The following ZFHX3 variants were observed in gnomAD, a reference collection of about 807,000 sequenced individuals.
ZFHX3 encodes zinc finger homeobox protein 3.
ZFHX3 carries 42 observed loss-of-function variants against 279.1 expected under a neutral mutation model. The observed-to-expected ratio is 0.15, with a 90% CI of 0.12 to 0.19. The LOEUF (loss-of-function observed/expected upper bound fraction) is 0.19, where lower values mean the gene tolerates loss of function less well. Ranked by LOEUF, ZFHX3 falls within the 10% of genes least tolerant of loss-of-function variation. The probability of loss-of-function intolerance (pLI) is 1.00; values close to 1 mark genes in which losing one functional copy is unlikely to be tolerated. For synonymous variants in ZFHX3, 2,293 were observed against 1,957.8 expected, an observed-to-expected ratio of 1.17 and a Z score of -4.52; for missense variants, 4,981 against 4,754.0, an observed-to-expected ratio of 1.05 and a Z score of -1.40.
At chr16:73,667,749 T>C (rs1467348252) in intron 2 of ZFHX3, among the ~76,000 whole-genome samples, 1 of 152,184 alleles carries the variant, frequency 6.6e-6, no homozygotes, top group Non-Finnish European at 1.5e-5. Context: ...CATAATCTCA[T>C]TTTGAGATTA....
At chr16:73,018,807 T>C (rs1964196864) in intron 1 of ZFHX3, among the ~76,000 whole-genome samples, 1 of 152,264 alleles carries the variant, frequency 6.6e-6, no homozygotes, top group African/African-American at 2.4e-5. Flanking sequence ...TGCTTGCCAC[T>C]GTGATTTTAT....
chr16:72,954,370 CA>C (rs1478099833), intron 2 of ZFHX3, among the ~76,000 whole-genome samples: 1 of 151,738 alleles, frequency 6.6e-6, no homozygotes, highest in Admixed American at 6.6e-5. Flanking sequence ...AACTCCATCT[CA>C]AAAAAAAGAA....
chr16:73,304,107 A>G (rs184461069), intron 4 of ZFHX3, among the ~76,000 whole-genome samples: 7 of 152,114 alleles, frequency 4.6e-5, no homozygotes, highest in Non-Finnish European at 8.8e-5. Context: ...CTTCTCTGGC[A>G]GCCTCCCACC....
intron 1 of ZFHX3, among the ~76,000 whole-genome samples, chr16:73,022,966 G>A (rs1023610327): frequency 2.0e-5 from 3 of 152,084 alleles, no homozygotes; most frequent in Non-Finnish European, 4.4e-5. Flanking sequence ...AGTGTCTCAC[G>A]CCTGTAATCC....
In ZFHX3 at chr16:73,120,649, C is replaced by CTTTTTTTTTTTTTTTTTTTTTTT. The variant is rs140219846; in HGVS notation, c.-897+10318_-897+10319insAAAAAAAAAAAAAAAAAAAAAAA. 1.9e-5 allele frequency among the ~76,000 whole-genome samples: 2 copies of CTTTTTTTTTTTTTTTTTTTTTTT among 106,202 alleles called. 1 individual carries two copies. The highest frequency in any genetic ancestry group is 2.0e-4 in the Admixed American group (2 of 9,766). 69.7% of individuals were successfully genotyped at this position (106,202 alleles called of 152,430 possible). A position where few individuals can be genotyped will look rare whatever the true frequency, so the allele number is the denominator to read the frequency against. On this transcript the variant is annotated intron_variant, in intron 7 of 17. Transcript: ENST00000641206. Reference sequence around the variant, plus strand: ...TTGTTTTTCTGCCCTATCCTCTCTACCTTTTTTTTTTTTTTTTTTTTTTGA... The same window carrying CTTTTTTTTTTTTTTTTTTTTTTT: ...TTGTTTTTCTGCCCTATCCTCTCTACTTTTTTTTTTTTTTTTTTTTTTTCTTTTTTTTTTTTTTTTTTTTTTGA...
At chr16:73,479,292 TA>T in intron 2 of ZFHX3, among the ~76,000 whole-genome samples, 1 of 151,990 alleles carries the variant, frequency 6.6e-6, no homozygotes, top group South Asian at 2.1e-4. Context: ...ATTCTTGACC[TA>T]AACAATTACA....
chr16:73,250,104 A>G (rs2013437251), intron 5 of ZFHX3, among the ~76,000 whole-genome samples: 1 of 152,196 alleles, frequency 6.6e-6, no homozygotes, highest in African/African-American at 2.4e-5. Context: ...TCTTTCAATG[A>G]AGGCAGGTGT....
chr16:73,480,403 G>C (rs1276061667), intron 2 of ZFHX3, among the ~76,000 whole-genome samples: 1 of 152,098 alleles, frequency 6.6e-6, no homozygotes, highest in Non-Finnish European at 1.5e-5. Flanking sequence ...AGGAACCTTA[G>C]GTAATGAACC....
chr16:73,297,493 C>A (rs1001677769), intron 4 of ZFHX3, among the ~76,000 whole-genome samples: 2 of 151,952 alleles, frequency 1.3e-5, no homozygotes, highest in African/African-American at 2.4e-5. Context: ...TATTTTTAGT[C>A]TTATTTATAA....
Position 73,116,452 on chromosome 16 carries a change from G to A in ZFHX3, c.-897+14516C>T, listed in dbSNP as rs78463222. On this transcript the variant is annotated intron_variant, in intron 7 of 17. Coordinates refer to the ZFHX3 transcript ENST00000641206. ...CAAACACTCCCTACATTGTGGAATC[G>A]CAAGTGGAGAAGGCCAGAAGTGGCT... Among the ~76,000 whole-genome samples, 9 of 152,298 alleles carry A rather than the reference G, an allele frequency of 5.9e-5. No individual in the cohort carries two copies. The East Asian group carries it at 9.7e-4, about 16-fold the overall frequency.
At chr16:73,284,123 C>A (rs958883326) in intron 4 of ZFHX3, among the ~76,000 whole-genome samples, 1 of 151,906 alleles carries the variant, frequency 6.6e-6, no homozygotes, top group Admixed American at 6.6e-5. Flanking sequence ...TCAAGACCAG[C>A]CTGGACAAGA....
At chr16:73,513,173 A>G (rs2019461990) in intron 2 of ZFHX3, among the ~76,000 whole-genome samples, 2 of 152,322 alleles carry the variant, frequency 1.3e-5, no homozygotes, top group South Asian at 4.1e-4. Flanking sequence ...AGACAGATGG[A>G]CAGCTCTTTG....
chr16:73,267,962 G>A lies in ZFHX3; in HGVS notation c.-1193-10826C>T, dbSNP rs1320248374. ...TCACCGCCTCTCAGTGTATCTGTTG[G>A]TAAAAATGGAAAGTGATATTAGTGC... On this transcript the variant is annotated intron_variant, in intron 4 of 17. Coordinates refer to the ZFHX3 transcript ENST00000641206. 2.0e-5 allele frequency among the ~76,000 whole-genome samples: 3 copies of A among 152,140 alleles called. No individual in the cohort carries two copies. In the East Asian group the frequency reaches 5.8e-4, roughly 29 times the overall value.
Position 73,852,332 on chromosome 16 carries a change from G to A in ZFHX3, c.-1608+39319C>T, listed in dbSNP as rs78706259. Reference sequence around the variant, plus strand: ...GGTGAGTCTACTCACAGGTGTAGGCGTCTGACTTCTTATATTTTCCAATGT... The same window carrying A: ...GGTGAGTCTACTCACAGGTGTAGGCATCTGACTTCTTATATTTTCCAATGT... On this transcript the variant is annotated intron_variant, in intron 1 of 17. Coordinates refer to the ZFHX3 transcript ENST00000641206. Among the ~76,000 whole-genome samples, 1,456 of 152,240 alleles carry A rather than the reference G, an allele frequency of 9.6e-3. 13 individuals carry two copies. Among genetic ancestry groups the A allele is most frequent in the Non-Finnish European group, 0.012 (799 of 68,020 alleles).
chr16:72,947,472 A>C (rs1960742864), intron 3 of ZFHX3, among the ~76,000 whole-genome samples: 1 of 152,206 alleles, frequency 6.6e-6, no homozygotes, highest in Non-Finnish European at 1.5e-5. Flanking sequence ...GCCCAGGGTG[A>C]GGTCAGATGA....
chr16:73,644,721 C>A (rs1359919691), intron 2 of ZFHX3, among the ~76,000 whole-genome samples: 1 of 151,998 alleles, frequency 6.6e-6, no homozygotes, highest in African/African-American at 2.4e-5. Context: ...TAAGACACAT[C>A]CCTGCACATC....
Position 73,301,758 on chromosome 16 carries a change from C to CTTTTT in ZFHX3, c.-1194+16477_-1194+16481dup, listed in dbSNP as rs559715399. Among the ~76,000 whole-genome samples, 466 of 140,096 alleles carry CTTTTT rather than the reference C, an allele frequency of 3.3e-3. 7 individuals are homozygous for CTTTTT. Among genetic ancestry groups the CTTTTT allele is most frequent in the East Asian group, 0.031 (147 of 4,752 alleles). The allele number at this position is 140,096 out of a possible 152,430, so 91.9% of individuals were successfully genotyped here. A position where few individuals can be genotyped will look rare whatever the true frequency, so the allele number is the denominator to read the frequency against. ...ATTTGGAAAAGAAACTTGATTCCAG[C>CTTTTT]TTTTTTTTTTTTTTTGTGACAAGCA... On this transcript the variant is annotated intron_variant, in intron 4 of 17. Coordinates refer to the ZFHX3 transcript ENST00000641206.
intron 4 of ZFHX3, among the ~76,000 whole-genome samples, chr16:73,278,441 A>C (rs769550538): frequency 1.3e-5 from 2 of 152,214 alleles, no homozygotes; most frequent in Non-Finnish European, 2.9e-5. Context: ...CGCTGACTTC[A>C]AGAATGAAGC....
intron 1 of ZFHX3, among the ~76,000 whole-genome samples, chr16:73,019,400 G>C (rs568402607): frequency 1.3e-5 from 2 of 152,098 alleles, no homozygotes; most frequent in Non-Finnish European, 2.9e-5. Flanking sequence ...ACGCGCACCT[G>C]AGTGCACATG....
Sources: gnomAD v4.1 joint callset for allele counts (sites outside exome capture counted in the v4.1 genomes callset) on GRCh38, gnomAD v4.1.1 for gene constraint, MANE v1.5 for transcripts, NCBI Gene and HGNC (gene_info 2026-07-23, HGNC 2026-07-21) for gene names.